Variants in VPS16 observed in about 807,000 individuals in gnomAD.
The protein encoded by VPS16 is VPS16 core subunit of CORVET and HOPS complexes, also known as vacuolar protein sorting-associated protein 16 homolog.
VPS16 carries 82 observed loss-of-function variants against 116.0 expected under a neutral mutation model. That is an observed-to-expected ratio of 0.71 (90% CI 0.59 to 0.85). The LOEUF (loss-of-function observed/expected upper bound fraction) is 0.85, where lower values mean the gene tolerates loss of function less well. Ranked by LOEUF, VPS16 falls within the 40% of genes least tolerant of loss-of-function variation. The pLI is 0.00. For missense variants in VPS16, 928 were observed against 1,090.6 expected (o/e 0.85, Z 2.10); for synonymous variants, 406 against 420.7 (o/e 0.96, Z 0.43).
rs184387734 is a variant in VPS16 at position 2,851,259 on chromosome 20, G to T, written c.54-8460G>T. 4.0e-3 allele frequency among the ~76,000 whole-genome samples: 603 copies of T among 152,292 alleles called. 5 individuals carry two copies. Among genetic ancestry groups the T allele is most frequent in the African/African-American group, 0.014 (571 of 41,568 alleles). ...AACTCTCAGCCTGGGGTGTTAGGTG[G>T]ACGGTGTGAATGGGAGTGCTGGTGC... is the stretch of plus-strand genomic sequence containing the variant. On this transcript the variant is annotated intron_variant, in intron 1 of 23. Coordinates refer to ENST00000380445, the MANE Select transcript of VPS16 (RefSeq NM_022575.4).
At chr20:2,847,917 T>G (rs2089078102) in intron 1 of VPS16, among the ~76,000 whole-genome samples, 1 of 152,206 alleles carries the variant, frequency 6.6e-6, no homozygotes, top group African/African-American at 2.4e-5. Flanking sequence ...AACCCCCTTT[T>G]GTAGATGTTT....
At chr20:2,844,910 C>T (rs536075772) in intron 1 of VPS16, among the ~76,000 whole-genome samples, 1 of 152,102 alleles carries the variant, frequency 6.6e-6, no homozygotes, top group Non-Finnish European at 1.5e-5. Flanking sequence ...AGGGGTCACA[C>T]GCTGCAGGGA....
At chr20:2,848,151 G>A (rs568822770) in intron 1 of VPS16, among the ~76,000 whole-genome samples, 1 of 152,264 alleles carries the variant, frequency 6.6e-6, no homozygotes, top group South Asian at 2.1e-4. Context: ...ACATCCACAG[G>A]CACCAAACCC....
chr20:2,857,178 T>C (rs1326323142), intron 1 of VPS16, among the ~76,000 whole-genome samples: 1 of 152,188 alleles, frequency 6.6e-6, no homozygotes, highest in African/African-American at 2.4e-5. Context: ...GGTTTCACCA[T>C]GTTGGCCATG....
intron 1 of VPS16, among the ~76,000 whole-genome samples, chr20:2,847,840 C>T (rs2089077385): frequency 3.3e-5 from 5 of 152,120 alleles, no homozygotes; most frequent in Admixed American, 3.3e-4. Flanking sequence ...CCATGTTATA[C>T]CCATCCTTCA....
At position 2,861,361 on chromosome 20, in the gene VPS16, T is replaced by C. The variant is rs578087855; in HGVS notation, c.809+81T>C. 35 of 1,598,476 alleles carry C rather than the reference T, an allele frequency of 2.2e-5. No homozygotes were observed. The South Asian group carries it at 3.6e-4, about 17-fold the overall frequency. ...GGACAATCAGTTCCTTGATTCGTCA[T>C]GTCTACTGGCCAAGCCTAGTGGAGT... On this transcript the variant is annotated intron_variant, in intron 8 of 23. Coordinates refer to ENST00000380445, the MANE Select transcript of VPS16 (RefSeq NM_022575.4).
At position 2,862,874 on chromosome 20, in the gene VPS16, A is replaced by G. The variant is rs760332341; in HGVS notation, c.1271A>G (p.Asp424Gly). 13 of 1,613,882 alleles carry G rather than the reference A, an allele frequency of 8.1e-6. 1 individual carries two copies. In the Admixed American group the frequency reaches 2.2e-4, roughly 27 times the overall value. ...PPDSFVHMCQ[D>G]LRVLNAVRDY... ...GACAGCTTCGTGCACATGTGTCAGGACCTGCGTGTGCTCAATGCTGTTCGG... is the reference window on the plus strand; with the variant it reads ...GACAGCTTCGTGCACATGTGTCAGGGCCTGCGTGTGCTCAATGCTGTTCGG... The change falls in exon 13 of 24, where the codon GAC becomes GGC. Residue 424 changes from aspartate (D) to glycine (G), a missense_variant. Transcript: ENST00000380445.
At chr20:2,845,675 A>G (rs6132978) in intron 1 of VPS16, among the ~76,000 whole-genome samples, 10,282 of 152,046 alleles carry the variant, frequency 0.068, 673 homozygotes, top group African/African-American at 0.15. Flanking sequence ...GTACCCTTTA[A>G]TAGTGTTAAG....
intron 1 of VPS16, among the ~76,000 whole-genome samples, chr20:2,854,932 G>A (rs1441052302): frequency 6.6e-6 from 1 of 151,180 alleles, no homozygotes; most frequent in African/African-American, 2.4e-5. Context: ...AGTTTTTGGG[G>A]GACCAGATAC....
intron 1 of VPS16, among the ~76,000 whole-genome samples, chr20:2,849,729 C>T (rs1423368730): frequency 6.6e-6 from 1 of 152,178 alleles, no homozygotes; most frequent in Non-Finnish European, 1.5e-5. Flanking sequence ...GCACTCAAAA[C>T]AATCCATCCC....
In VPS16 at chr20:2,860,110, G is replaced by C. The variant is rs760297252; in HGVS notation, c.199G>C (p.Asp67His). 1 of 1,614,036 alleles carries C rather than the reference G, an allele frequency of 6.2e-7. No individual in the cohort carries two copies. The highest frequency in any genetic ancestry group is 1.1e-5 in the South Asian group (1 of 91,076). Residue 67 changes from aspartate (D) to histidine (H), a missense_variant, in exon 3 of 24, where the codon GAT becomes CAT. By Grantham distance (81) the Asp-to-His change is moderately conservative (BLOSUM62 -1). Transcript: ENST00000380445. This position sits in a 1 kb window ranked among gnomAD's most constrained non-coding sequence, Gnocchi z 6.1. ...EKAASVRPVL[D>H]IYSASGMPLA... ...AGCTGCTAGTGTGAGGCCAGTGCTC[G>C]ATATATACTCTGCTTCCGGCATGCC...
At chr20:2,842,481 CTTGTAA>C (rs1568620302) in intron 1 of VPS16, among the ~76,000 whole-genome samples, 1 of 151,788 alleles carries the variant, frequency 6.6e-6, no homozygotes, top group Non-Finnish European at 1.5e-5. Context: ...ATGGCAGGTG[CTTGTAA>C]TCCCAGCTAC....
At position 2,863,385 on chromosome 20, in the gene VPS16, G is replaced by A. The variant is rs2048659604; in HGVS notation, c.1463G>A (p.Trp488Ter). 6.2e-7 allele frequency: 1 copy of A among 1,614,060 alleles called. No individual in the cohort carries two copies. Among genetic ancestry groups the A allele is most frequent in the African/African-American group, 1.3e-5 (1 of 74,940 alleles). Residue 488 changes from tryptophan (W) to a stop codon, truncating the protein, a stop_gained, in exon 15 of 24, where the codon TGG becomes TAG. Transcript: ENST00000380445. LOFTEE classifies it high-confidence loss of function. The surrounding 1 kb of genome is among the most constrained non-coding windows in gnomAD (Gnocchi z 4.4). ...VQGVSRILAH[W>*]ACYKVQQKDV... is the part of the protein sequence containing the mutation. ...GGCGTCAGCAGGATCCTGGCCCACT[G>A]GGCCTGCTACAAGGCAAGGATGTGG...
intron 1 of VPS16, among the ~76,000 whole-genome samples, chr20:2,846,076 G>A (rs2146644285): frequency 6.7e-6 from 1 of 148,664 alleles, no homozygotes; most frequent in Non-Finnish European, 1.5e-5. Flanking sequence ...GTGAATGTGG[G>A]TCTACAAATA....
chr20:2,862,927 T>C lies in VPS16; in HGVS notation c.1324T>C (p.Tyr442His). 1 of 1,613,978 alleles carries C rather than the reference T, an allele frequency of 6.2e-7. No individual in the cohort carries two copies. The highest frequency in any genetic ancestry group is 8.5e-7 in the Non-Finnish European group (1 of 1,179,928). The change falls in exon 13 of 24, where the codon TAT (tyrosine) becomes CAT (histidine). Residue 442 changes from tyrosine (Y) to histidine (H), a missense_variant. By Grantham distance (83) the Tyr-to-His change is moderately conservative. Transcript: ENST00000380445. ...RDYHIGIPLT[Y>H]SQYKQLTIQV... ...CTATCACATCGGGATCCCGCTCACCTATAGCCAGTATCCCTGTGCACGCCA... is the reference window on the plus strand; with the variant it reads ...CTATCACATCGGGATCCCGCTCACCCATAGCCAGTATCCCTGTGCACGCCA...
At chr20:2,866,119 T>A (rs1205446847) in intron 22 of VPS16, 93 bp from the exon 23 acceptor site, 1 of 1,058,928 alleles carries the variant, frequency 9.4e-7, no homozygotes, top group African/African-American at 1.6e-5. Flanking sequence ...AGAATATATA[T>A]GGACGATGTA....
At chr20:2,850,399 T>C (rs28391842) in intron 1 of VPS16, among the ~76,000 whole-genome samples, 3,894 of 151,664 alleles carry the variant, frequency 0.026, 136 homozygotes, top group African/African-American at 0.076. Context: ...GAGGCCGAGG[T>C]GAGCAGATCA....
Position 2,865,275 on chromosome 20 carries a change from G to C in VPS16, c.2132G>C (p.Arg711Pro). 6.2e-7 allele frequency: 1 copy of C among 1,614,110 alleles called. No individual in the cohort carries two copies. Among genetic ancestry groups the C allele is most frequent in the Admixed American group, 1.7e-5 (1 of 60,028 alleles). The change falls in exon 21 of 24, where the codon CGT becomes CCT. Residue 711 changes from arginine (R) to proline (P), a missense_variant. Arg to Pro is a moderately radical substitution (Grantham distance 103). Coordinates refer to ENST00000380445, the MANE Select transcript of VPS16 (RefSeq NM_022575.4). This position sits in a 1 kb window ranked among gnomAD's most constrained non-coding sequence, Gnocchi z 5.2. ...TTLILGGHNK[R>P]AEQLARDFRI... ...CTCATTCTTGGCGGTCACAACAAGC[G>C]TGCAGAGCAGCTGGCACGTGACTTC...
rs758400694 is a variant in VPS16 at position 2,863,438 on chromosome 20, T to C, written c.1476+40T>C. 1.3e-6 allele frequency: 2 copies of C among 1,596,668 alleles called. No individual in the cohort carries two copies. Among genetic ancestry groups the C allele is most frequent in the East Asian group, 4.5e-5 (2 of 44,798 alleles). On this transcript the variant is annotated intron_variant, in intron 15 of 23. Coordinates refer to ENST00000380445, the MANE Select transcript of VPS16 (RefSeq NM_022575.4). This position sits in a 1 kb window ranked among gnomAD's most constrained non-coding sequence, Gnocchi z 4.4. ...TGGGGTCCAAGGGCATTTAGAGGAT[T>C]CCAGGCCCTGGTGAGGTGGAGGAAA...
Sources: gnomAD v4.1 joint callset for allele counts (sites outside exome capture counted in the v4.1 genomes callset) on GRCh38, gnomAD v4.1.1 for gene constraint, Gnocchi (gnomAD v3.1) non-coding constraint, MANE v1.5 for transcripts, NCBI Gene and HGNC (gene_info 2026-07-23, HGNC 2026-07-21) for gene names.